Variants in NUP98 observed in about 807,000 individuals in gnomAD.
NUP98 encodes the protein nucleoporin 98 and 96 precursor.
NUP98 carries 26 observed loss-of-function variants against 191.9 expected under a neutral mutation model. The ratio of observed to expected loss-of-function variants is 0.14; its 90% CI spans 0.10 to 0.19. The LOEUF is 0.19. Among genes scored for constraint, NUP98 ranks in the 10% least tolerant of loss-of-function variants. The pLI, the probability that NUP98 is intolerant of heterozygous loss-of-function variation, is 1.00. For missense variants in NUP98, 1,941 were observed against 2,178.8 expected, an observed-to-expected ratio of 0.89 and a Z score of 2.17; for synonymous variants, 808 against 778.4, an observed-to-expected ratio of 1.04 and a Z score of -0.63.
At chr11:3,693,168 C>A in intron 27 of NUP98, 64 bp downstream of exon 27, 1 of 1,556,526 alleles carries the variant, frequency 6.4e-7, no homozygotes, top group Non-Finnish European at 8.8e-7. Flanking sequence ...CCTGGCTCCG[C>A]TTCAATTTGA....
At chr11:3,772,489 A>G (rs1471157357) in intron 6 of NUP98, among the ~76,000 whole-genome samples, 1 of 152,188 alleles carries the variant, frequency 6.6e-6, no homozygotes, top group Non-Finnish European at 1.5e-5. Flanking sequence ...AACAACATGG[A>G]TGACTATCTC....
chr11:3,782,068 A>C lies in NUP98; in HGVS notation c.50T>G (p.Phe17Cys). ...GTPFGGGTGG[F>C]GTTSTFGQNT... ...CTGTCCAAATGTTGAAGTTGTGCCA[A>C]AGCCACCTGTGCCACCCCCAAAGGG... Residue 17 changes from phenylalanine (F) to cysteine (C), a missense_variant, in exon 2 of 33, where the codon TTT becomes TGT. Around this residue, in one of 6 missense-constraint regions of NUP98, gnomAD observed 154 missense variants for 182.9 expected, o/e 0.84. Transcript: ENST00000324932. 6.2e-7 allele frequency: 1 copy of C among 1,613,212 alleles called. No homozygotes were observed. The highest frequency in any genetic ancestry group is 8.5e-7 in the Non-Finnish European group (1 of 1,179,624).
At chr11:3,772,958 C>T (rs1228466413) in intron 6 of NUP98, among the ~76,000 whole-genome samples, 2 of 151,708 alleles carry the variant, frequency 1.3e-5, no homozygotes, top group African/African-American at 2.4e-5. Flanking sequence ...GACTGGGTGA[C>T]GGAGTGAGAT....
At chr11:3,756,684 A>G (rs1035355751) in intron 10 of NUP98, among the ~76,000 whole-genome samples, 3 of 152,082 alleles carry the variant, frequency 2.0e-5, no homozygotes, top group Non-Finnish European at 4.4e-5. Flanking sequence ...GGTCTCCCAA[A>G]GTGCTGGGAT....
At chr11:3,744,058 CA>C (rs1180113119) in intron 12 of NUP98, among the ~76,000 whole-genome samples, 1 of 151,522 alleles carries the variant, frequency 6.6e-6, no homozygotes, top group African/African-American at 2.4e-5. Context: ...GACTCCTTTT[CA>C]AAAAAATAAA....
chr11:3,746,294 A>AG (rs1554896501), intron 11 of NUP98, among the ~76,000 whole-genome samples: 5,497 of 92,022 alleles, frequency 0.06, 285 homozygotes, highest in Middle Eastern at 0.089. Flanking sequence ...AAAAAAAAAA[A>AG]GACAGCTTTG....
chr11:3,689,095 G>T (rs2134044757), intron 28 of NUP98, among the ~76,000 whole-genome samples: 1 of 151,586 alleles, frequency 6.6e-6, no homozygotes, highest in East Asian at 2.0e-4. Flanking sequence ...AGCTGAGTAT[G>T]GTGGTGCACT....
chr11:3,765,796 T>A (rs1226047598), intron 8 of NUP98, among the ~76,000 whole-genome samples: 1 of 129,544 alleles, frequency 7.7e-6, no homozygotes, highest in Non-Finnish European at 1.6e-5. Context: ...AACAAGACTC[T>A]GTCTCAAAAA....
At chr11:3,746,884 G>C (rs2080525201) in intron 11 of NUP98, among the ~76,000 whole-genome samples, 1 of 149,064 alleles carries the variant, frequency 6.7e-6, no homozygotes, top group Admixed American at 6.7e-5. Flanking sequence ...TTGCACTCCA[G>C]CCTGGGCAAG....
intron 11 of NUP98, among the ~76,000 whole-genome samples, chr11:3,751,388 C>G (rs934371533): frequency 6.6e-6 from 1 of 151,806 alleles, no homozygotes; most frequent in African/African-American, 2.4e-5. Flanking sequence ...AATCCTAAAC[C>G]CTAAATATAA....
intron 23 of NUP98, 142 bp downstream of exon 23, chr11:3,702,313 ACTCTCTCT>A (rs71041375): frequency 0.02 from 6,872 of 341,290 alleles, 93 homozygotes; most frequent in African/African-American, 0.036. Context: ...ACACACACAC[ACTCTCTCT>A]CTCTCTCTCT....
chr11:3,762,890 G>A lies in NUP98; in HGVS notation c.1086+12C>T. On this transcript the variant is annotated intron_variant, in intron 9 of 32. Coordinates refer to ENST00000324932, the MANE Select transcript of NUP98 (RefSeq NM_016320.5). ...ACACATCTTCAAATTACAGTCAACT[G>A]CAGAAACCTACCGAACCAACAGCAC... is the stretch of plus-strand genomic sequence containing the variant. The A allele has an allele frequency of 1.2e-6, 2 of 1,611,790 alleles. No homozygotes were observed. Among genetic ancestry groups the A allele is most frequent in the African/African-American group, 1.3e-5 (1 of 74,950 alleles).
intron 24 of NUP98, among the ~76,000 whole-genome samples, chr11:3,700,286 A>G (rs1267864039): frequency 6.6e-6 from 1 of 150,542 alleles, no homozygotes; most frequent in African/African-American, 2.4e-5. Flanking sequence ...AAAAAAAAAA[A>G]AAAGTAAAGC....
intron 8 of NUP98, among the ~76,000 whole-genome samples, chr11:3,763,590 T>C (rs1454946864): frequency 2.0e-5 from 3 of 152,110 alleles, no homozygotes; most frequent in Non-Finnish European, 4.4e-5. Flanking sequence ...CGGAGTTTCG[T>C]TCTGTTGCCC....
intron 20 of NUP98, among the ~76,000 whole-genome samples, chr11:3,711,224 G>A (rs545754917): frequency 4.0e-5 from 6 of 151,234 alleles, no homozygotes; most frequent in Admixed American, 2.0e-4. Flanking sequence ...CAGCCTGGGC[G>A]ACAACTCTTT....
At position 3,712,607 on chromosome 11, in the gene NUP98, G is replaced by A. The variant is rs774483720; in HGVS notation, c.2699C>T (p.Pro900Leu). ...TTTGCCATTAAGAGCCATCTGCAAG[G>A]GCGTAGTCTGGCTTGCAGGAGGCAA... is the stretch of plus-strand genomic sequence containing the variant. ...APLPPASQTT[P>L]LQMALNGKPA... Residue 900 changes from proline to leucine, a missense_variant, in exon 20 of 33, where the codon CCC becomes CTC. Physicochemically the swap from Pro to Leu is moderately conservative, Grantham distance 98. Around this residue, in one of 6 missense-constraint regions of NUP98, gnomAD observed 1,030 missense variants for 1,115.8 expected, o/e 0.92. Coordinates refer to ENST00000324932, the MANE Select transcript of NUP98 (RefSeq NM_016320.5). 68 of 1,613,906 alleles carry A rather than the reference G, an allele frequency of 4.2e-5. No individual in the cohort carries two copies. Among genetic ancestry groups the A allele is most frequent in the Middle Eastern group, 3.3e-4 (2 of 5,994 alleles).
At chr11:3,762,303 GGA>G (rs374175445) in intron 9 of NUP98, among the ~76,000 whole-genome samples, 31 of 149,848 alleles carry the variant, frequency 2.1e-4, no homozygotes, top group African/African-American at 6.6e-4. Context: ...TGTATTTTTA[GGA>G]GAGACGGGGT....
intron 6 of NUP98, among the ~76,000 whole-genome samples, 181 bp downstream of exon 6, chr11:3,773,451 C>T (rs1050857146): frequency 1.7e-4 from 26 of 151,718 alleles, no homozygotes; most frequent in African/African-American, 6.3e-4. Flanking sequence ...TTATCCCTGC[C>T]TAAACAAGTA....
At chr11:3,786,075 G>A (rs1256473842) in intron 1 of NUP98, among the ~76,000 whole-genome samples, 1 of 152,070 alleles carries the variant, frequency 6.6e-6, no homozygotes, top group Admixed American at 6.6e-5. Context: ...CAACGATGTA[G>A]GTATTTTTAT....
Sources: gnomAD v4.1 joint callset for allele counts (sites outside exome capture counted in the v4.1 genomes callset) on GRCh38, gnomAD v4.1.1 for gene constraint, gnomAD v4.1.1 regional missense constraint, MANE v1.5 for transcripts, NCBI Gene and HGNC (gene_info 2026-07-23, HGNC 2026-07-21) for gene names.